ZNF716: variants seen among roughly 807,000 people sequenced by gnomAD.
ZNF716 encodes zinc finger protein 716.
A neutral mutation model predicts 13.4 loss-of-function variants in ZNF716; 9 were observed. The ratio of observed to expected loss-of-function variants is 0.67; its 90% confidence interval spans 0.41 to 1.18. The LOEUF (loss-of-function observed/expected upper bound fraction) is 1.18, where lower values mean the gene tolerates loss of function less well. Ranked by LOEUF, ZNF716 falls within the 50% of genes most tolerant of loss-of-function variation. The probability of loss-of-function intolerance (pLI) is 0.01; values close to 1 mark genes in which losing one functional copy is unlikely to be tolerated. For synonymous variants in ZNF716, 186 were observed against 195.2 expected (o/e 0.95, Z 0.39); for missense variants, 581 against 576.6 (o/e 1.01, Z -0.08).
Position 57,473,447 on chromosome 7 carries a change from G to A in ZNF716, c.*3498G>A, listed in dbSNP as rs1350998275. The A allele has an allele frequency of 6.6e-6, 1 of 152,078 alleles. No homozygotes were observed. The highest frequency in any genetic ancestry group is 2.4e-5 in the African/African-American group (1 of 41,396). The allele number at this position is 152,078 out of a possible 1,614,324, so 9.4% of individuals were successfully genotyped here. A position where few individuals can be genotyped will look rare whatever the true frequency, so the allele number is the denominator to read the frequency against. ...AGGCAGGAGAATTGCTTGAACCTCG[G>A]AGGTGGAGGTAGCAGTGAGCTGAGA... On this transcript the variant is annotated 3_prime_UTR_variant, in exon 4 of 4. Transcript: ENST00000420713.
In ZNF716 at chr7:57,457,195, A is replaced by G. The variant is rs1224431183; in HGVS notation, c.40-5265A>G. On this transcript the variant is annotated intron_variant, in intron 1 of 3. Coordinates refer to ENST00000420713, the MANE Select transcript of ZNF716 (RefSeq NM_001159279.1). ...CAGCAGCAACCTGTTTCCTCCACCA[A>G]TGTAGGGGTCTATACCACTTGATCA... 5.3e-5 allele frequency among the ~76,000 whole-genome samples: 8 copies of G among 152,116 alleles called. No individual in the cohort carries two copies. The East Asian group carries it at 9.7e-4, about 18-fold the overall frequency.
chr7:57,455,189 T>G (rs1554322091), intron 1 of ZNF716, among the ~76,000 whole-genome samples: 2 of 152,066 alleles, frequency 1.3e-5, no homozygotes, highest in East Asian at 3.9e-4. Context: ...GGGGGCAAAA[T>G]TAGATTCTAG....
rs1554325563 is a variant in ZNF716 at position 57,473,079 on chromosome 7, C to T, written c.*3130C>T. On this transcript the variant is annotated 3_prime_UTR_variant, in exon 4 of 4. Coordinates refer to ENST00000420713, the MANE Select transcript of ZNF716 (RefSeq NM_001159279.1). The stretch of plus-strand genomic sequence containing the variant: ...GGTCATTTTATGATCATAAAAATTA[C>T]ATGAGTATAATTAATACCCATACAT... The T allele has an allele frequency of 6.6e-6, 1 of 152,110 alleles. No homozygotes were observed. The allele number at this position is 152,110 out of a possible 1,614,324, so 9.4% of individuals were successfully genotyped here.
chr7:57,469,381 G>T lies in ZNF716; in HGVS notation c.920G>T (p.Arg307Leu), dbSNP rs782104658. 1.9e-6 allele frequency: 3 copies of T among 1,610,244 alleles called. No homozygotes were observed. The South Asian group carries it at 3.3e-5, about 18-fold the overall frequency. ...TCEECGKAFS[R>L]SSTLTNHKRI... is the part of the protein sequence containing the mutation. ...GAAGAATGTGGCAAAGCCTTTAGCC[G>T]CTCTTCAACACTTACTAACCACAAG... Residue 307 changes from arginine (R) to leucine (L), a missense_variant, in exon 4 of 4, where the codon CGC (arginine) becomes CTC (leucine). Physicochemically the swap from Arg to Leu is moderately radical, Grantham distance 102. Transcript: ENST00000420713.
intron 3 of ZNF716, among the ~76,000 whole-genome samples, chr7:57,466,787 A>AT (rs1184901720): frequency 1.3e-5 from 2 of 151,708 alleles, no homozygotes; most frequent in Admixed American, 6.6e-5. Context: ...TTTTATTTGA[A>AT]TTTTTTTGTT....
chr7:57,451,299 TC>T, intron 1 of ZNF716, among the ~76,000 whole-genome samples: 1 of 151,354 alleles, frequency 6.6e-6, no homozygotes, highest in Admixed American at 6.6e-5. Context: ...ACAGTCGTGA[TC>T]CCCCCGTGCC....
chr7:57,454,866 A>C, intron 1 of ZNF716, among the ~76,000 whole-genome samples: 1 of 152,094 alleles, frequency 6.6e-6, no homozygotes, highest in East Asian at 1.9e-4. Flanking sequence ...CTACTAAAAA[A>C]TACAGAAACA....
intron 1 of ZNF716, among the ~76,000 whole-genome samples, chr7:57,452,266 A>T (rs1360997901): frequency 6.6e-6 from 1 of 152,112 alleles, no homozygotes; most frequent in Non-Finnish European, 1.5e-5. Context: ...TTTTAAAAGC[A>T]TTGGATGGCA....
In ZNF716 at chr7:57,451,441, A is replaced by ATTTTTTTTT. The variant is rs782311074; in HGVS notation, c.39+1130_39+1138dup. On this transcript the variant is annotated intron_variant, in intron 1 of 3. Coordinates refer to ENST00000420713, the MANE Select transcript of ZNF716 (RefSeq NM_001159279.1). The stretch of plus-strand genomic sequence containing the variant: ...CCACAGGAAATTGGTTTTCCCTTGG[A>ATTTTTTTTT]TTTTTTTTTTTTTTTTTTTTTTTTG... 8.6e-4 allele frequency among the ~76,000 whole-genome samples: 77 copies of ATTTTTTTTT among 89,034 alleles called. 3 individuals are homozygous for ATTTTTTTTT. The highest frequency in any genetic ancestry group is 3.3e-3 in the African/African-American group (71 of 21,650). The allele number at this position is 89,034 out of a possible 152,430, so 58.4% of individuals were successfully genotyped here. A position where few individuals can be genotyped will look rare whatever the true frequency, so the allele number is the denominator to read the frequency against.
At position 57,468,984 on chromosome 7, in the gene ZNF716, C is replaced by T. The variant is rs1300472231; in HGVS notation, c.523C>T (p.His175Tyr). 9 of 1,607,916 alleles carry T rather than the reference C, an allele frequency of 5.6e-6. No individual in the cohort carries two copies. Among genetic ancestry groups the T allele is most frequent in the Non-Finnish European group, 7.6e-6 (9 of 1,176,744 alleles). ...VFGKFSNSNR[H>Y]KTRHTGKKHF... The stretch of plus-strand genomic sequence containing the variant: ...TGGTAAATTTTCAAATTCCAATAGA[C>T]ACAAGACAAGACATACTGGAAAGAA... The change falls in exon 4 of 4, where the codon CAC (histidine) becomes TAC (tyrosine). Residue 175 changes from histidine (H) to tyrosine (Y), a missense_variant. Coordinates refer to ENST00000420713, the MANE Select transcript of ZNF716 (RefSeq NM_001159279.1).
At chr7:57,463,799 ATTGT>A (rs1789752030) in intron 3 of ZNF716, among the ~76,000 whole-genome samples, 1 of 152,058 alleles carries the variant, frequency 6.6e-6, no homozygotes. Flanking sequence ...CATAAATGGA[ATTGT>A]TTATTGTATG....
At chr7:57,455,758 T>C (rs1476209854) in intron 1 of ZNF716, among the ~76,000 whole-genome samples, 1 of 152,114 alleles carries the variant, frequency 6.6e-6, no homozygotes, top group African/African-American at 2.4e-5. Flanking sequence ...CTTCAGGTGA[T>C]CCACCTGCCT....
At chr7:57,458,662 C>G (rs545900770) in intron 1 of ZNF716, among the ~76,000 whole-genome samples, 1 of 152,278 alleles carries the variant, frequency 6.6e-6, no homozygotes, top group Admixed American at 6.5e-5. Context: ...ACCTTGTGAT[C>G]CGCCCACCTC....
intron 1 of ZNF716, 95 bp from the exon 2 acceptor site, chr7:57,462,356 CTCTTATTTA>C: frequency 7.5e-7 from 1 of 1,336,590 alleles, no homozygotes; most frequent in Non-Finnish European, 1.0e-6. Context: ...TCTTTTTACT[CTCTTATTTA>C]ACATGAGTCA....
intron 1 of ZNF716, among the ~76,000 whole-genome samples, chr7:57,453,555 T>C (rs1789533254): frequency 6.6e-6 from 1 of 152,252 alleles, no homozygotes; most frequent in East Asian, 1.9e-4. Flanking sequence ...TGGTTAAAAA[T>C]TCACATTTGC....
At chr7:57,462,947 T>A in intron 2 of ZNF716, 126 bp from the exon 3 acceptor site, 1 of 1,318,222 alleles carries the variant, frequency 7.6e-7, no homozygotes, top group Non-Finnish European at 1.0e-6. Context: ...GCTACAAAGA[T>A]CTGTTACGAA....
At position 57,453,993 on chromosome 7, in the gene ZNF716, C is replaced by T. The variant is rs1224103960; in HGVS notation, c.39+3666C>T. 5.9e-5 allele frequency among the ~76,000 whole-genome samples: 9 copies of T among 152,094 alleles called. No homozygotes were observed. The South Asian group carries it at 8.3e-4, about 14-fold the overall frequency. On this transcript the variant is annotated intron_variant, in intron 1 of 3. Transcript: ENST00000420713. ...GATTACAGACACCCGCCACCACACCCGGCTAATTTTTGTATTTTTAGTAAA... is the reference window on the plus strand; with the variant it reads ...GATTACAGACACCCGCCACCACACCTGGCTAATTTTTGTATTTTTAGTAAA...
In ZNF716 at chr7:57,469,841, A is replaced by C. The variant is rs782675600; in HGVS notation, c.1380A>C (p.Gly460=). The part of the protein sequence containing the change: ...TLNTHKRIHT[G]EKPYKCEECD... ...ATACTCATAAGAGGATTCATACTGG[A>C]GAGAAACCCTACAAATGTGAAGAAT... Residue 460 remains glycine, a synonymous_variant, in exon 4 of 4, where the codon GGA becomes GGC. Coordinates refer to ENST00000420713, the MANE Select transcript of ZNF716 (RefSeq NM_001159279.1). 1.2e-6 allele frequency: 2 copies of C among 1,603,584 alleles called. No homozygotes were observed. The highest frequency in any genetic ancestry group is 2.2e-5 in the South Asian group (2 of 89,918).
At chr7:57,465,667 T>C (rs1489188034) in intron 3 of ZNF716, among the ~76,000 whole-genome samples, 2 of 152,208 alleles carry the variant, frequency 1.3e-5, no homozygotes, top group Non-Finnish European at 2.9e-5. Flanking sequence ...TGAAATTTAC[T>C]AAGACTTATG....
Sources: gnomAD v4.1 joint callset for allele counts (sites outside exome capture counted in the v4.1 genomes callset) on GRCh38, gnomAD v4.1.1 for gene constraint, MANE v1.5 for transcripts, NCBI Gene and HGNC (gene_info 2026-07-23, HGNC 2026-07-21) for gene names.